The following DIAPH2 variants were observed in gnomAD, a reference collection of about 807,000 sequenced individuals.
The protein encoded by DIAPH2 is diaphanous related formin 2, also known as protein diaphanous homolog 2.
In DIAPH2, 35 loss-of-function variants were observed where a neutral mutation model predicts 92.7. The observed-to-expected ratio is 0.38, with a 90% CI of 0.29 to 0.50. The LOEUF (loss-of-function observed/expected upper bound fraction) is 0.50. Ranked by LOEUF, DIAPH2 falls within the 20% of genes least tolerant of loss-of-function variation. The probability of loss-of-function intolerance (pLI) is 0.94; values close to 1 mark genes in which losing one functional copy is unlikely to be tolerated. For synonymous variants in DIAPH2, 301 were observed against 280.4 expected, an observed-to-expected ratio of 1.07 and a Z score of -0.73; for missense variants, 701 against 819.5, an observed-to-expected ratio of 0.86 and a Z score of 1.77.
intron 17 of DIAPH2, among the ~76,000 whole-genome samples, chrX:97,053,658 A>C (rs11796386): frequency 0.047 from 5,262 of 111,387 alleles, 137 homozygotes; most frequent in Non-Finnish European, 0.072. Context: ...CATGGGCAAG[A>C]ACTATGTTCT....
At chrX:97,575,501 G>T (rs1271611637) in intron 26 of DIAPH2, among the ~76,000 whole-genome samples, 2 of 112,103 alleles carry the variant, frequency 1.8e-5, no homozygotes, top group Non-Finnish European at 1.9e-5. Context: ...TCCAAATAAG[G>T]TTACCTCATT....
At chrX:97,328,950 ACT>A (rs1302027362) in intron 23 of DIAPH2, among the ~76,000 whole-genome samples, 1 of 111,857 alleles carries the variant, frequency 8.9e-6, no homozygotes, top group East Asian at 2.8e-4. Flanking sequence ...ATGTAAACAT[ACT>A]CTGTTTACCC....
intron 17 of DIAPH2, among the ~76,000 whole-genome samples, chrX:97,051,366 G>A (rs977286238): frequency 2.7e-5 from 3 of 110,111 alleles, no homozygotes; most frequent in African/African-American, 9.9e-5. Flanking sequence ...GGTTTGGGGG[G>A]TGTGTTTAGC....
intron 4 of DIAPH2, among the ~76,000 whole-genome samples, chrX:96,825,344 CATGT>C (rs1409442563): frequency 2.0e-5 from 2 of 100,626 alleles, no homozygotes; most frequent in Non-Finnish European, 4.0e-5. Context: ...TTGATTACTA[CATGT>C]GTTTTCTTTT....
At chrX:97,129,137 T>TTTTC (rs1569308149) in intron 21 of DIAPH2, among the ~76,000 whole-genome samples, 23 of 75,857 alleles carry the variant, frequency 3.0e-4, no homozygotes, top group African/African-American at 9.1e-4. Flanking sequence ...TTTTCTTTTC[T>TTTTC]TTTCTTTTCT....
intron 1 of DIAPH2, among the ~76,000 whole-genome samples, chrX:96,689,893 A>G (rs2063790251): frequency 9.0e-6 from 1 of 111,134 alleles, no homozygotes; most frequent in Non-Finnish European, 1.9e-5. Flanking sequence ...GTAAATAATT[A>G]TTAGCTGGGG....
chrX:97,381,112 C>T (rs1361042645), intron 24 of DIAPH2, among the ~76,000 whole-genome samples: 1 of 111,334 alleles, frequency 9.0e-6, no homozygotes, highest in African/African-American at 3.3e-5. Context: ...TTTCTTCTAT[C>T]GCAAATTGTA....
chrX:97,130,442 A>G (rs137978171), intron 21 of DIAPH2, among the ~76,000 whole-genome samples: 163 of 112,103 alleles, frequency 1.5e-3, no homozygotes, highest in African/African-American at 4.8e-3. Flanking sequence ...AAACTCTGGT[A>G]TATGTTATAT....
At chrX:97,505,800 G>A (rs2070828023) in intron 26 of DIAPH2, among the ~76,000 whole-genome samples, 1 of 111,028 alleles carries the variant, frequency 9.0e-6, no homozygotes, top group Non-Finnish European at 1.9e-5. Flanking sequence ...TACTAAAAAT[G>A]TCAAATAATT....
chrX:97,165,649 A>G (rs1164896152), intron 22 of DIAPH2, among the ~76,000 whole-genome samples: 1 of 94,138 alleles, frequency 1.1e-5, no homozygotes, highest in Non-Finnish European at 2.2e-5. Flanking sequence ...ACGTGCCACC[A>G]TGCCCAGCAA....
At chrX:97,324,462 G>A (rs1286941830) in intron 23 of DIAPH2, among the ~76,000 whole-genome samples, 1 of 112,185 alleles carries the variant, frequency 8.9e-6, no homozygotes, top group African/African-American at 3.2e-5. Context: ...TAGTCAAATA[G>A]TACATTTTTA....
rs142381358 is a variant in DIAPH2, at chrX:96,913,182, G to A, written c.732+630G>A. Among the ~76,000 whole-genome samples the A allele has an allele frequency of 7.7e-3, 856 of 110,883 alleles. 22 individuals are homozygous for A. In the East Asian group the frequency reaches 0.13, roughly 17 times the overall value. On this transcript the variant is annotated intron_variant, in intron 7 of 26. Coordinates refer to ENST00000324765, the MANE Select transcript of DIAPH2 (RefSeq NM_006729.5). Reference sequence around the variant, plus strand: ...ATGCTGCTAATTTCCTCAGGAGGGTGAGCTAGTCAATGAAACAAACAAAAA... The same window carrying A: ...ATGCTGCTAATTTCCTCAGGAGGGTAAGCTAGTCAATGAAACAAACAAAAA...
chrX:96,762,568 G>A (rs1046020691), intron 4 of DIAPH2, among the ~76,000 whole-genome samples: 1 of 110,210 alleles, frequency 9.1e-6, no homozygotes, highest in South Asian at 3.8e-4. Context: ...GTTTACTTCT[G>A]AACTTAATGC....
At position 96,937,628 on chromosome X, in the gene DIAPH2, G is replaced by A. The variant is rs1281217382; in HGVS notation, c.1208+277G>A. Among the ~76,000 whole-genome samples, 4 of 111,524 alleles carry A rather than the reference G, an allele frequency of 3.6e-5. No homozygotes were observed. The Admixed American group carries it at 3.8e-4, about 11-fold the overall frequency. On this transcript the variant is annotated intron_variant, in intron 11 of 26. Coordinates refer to ENST00000324765, the MANE Select transcript of DIAPH2 (RefSeq NM_006729.5). Reference sequence around the variant, plus strand: ...GGTCTTGAATAAAGAATAGCATAAGGCAATATATCTTACATGTAAGGATTT... The same window carrying A: ...GGTCTTGAATAAAGAATAGCATAAGACAATATATCTTACATGTAAGGATTT...
At chrX:97,365,084 T>C (rs1265296892) in intron 24 of DIAPH2, among the ~76,000 whole-genome samples, 1 of 111,372 alleles carries the variant, frequency 9.0e-6, no homozygotes, top group Non-Finnish European at 1.9e-5. Context: ...TATTTACATC[T>C]GTTCAGTCTC....
chrX:96,797,230 C>A (rs778254691), intron 4 of DIAPH2, among the ~76,000 whole-genome samples: 4 of 110,848 alleles, frequency 3.6e-5, no homozygotes, highest in Non-Finnish European at 5.7e-5. Context: ...CCTGTAATCC[C>A]AGCACTTTGG....
In DIAPH2 at chrX:96,871,968, A is replaced by T. The variant is rs1433054947; in HGVS notation, c.448-9611A>T. Among the ~76,000 whole-genome samples, 3 of 112,254 alleles carry T rather than the reference A, an allele frequency of 2.7e-5. No homozygotes were observed. The East Asian group carries it at 8.3e-4, about 31-fold the overall frequency. On this transcript the variant is annotated intron_variant, in intron 4 of 26. Coordinates refer to ENST00000324765, the MANE Select transcript of DIAPH2 (RefSeq NM_006729.5). ...TGTGCCTTCCCAGGGCATTATGGTGAATGGAAGAAGTCCATGTGCCAAAAA... is the reference window on the plus strand; with the variant it reads ...TGTGCCTTCCCAGGGCATTATGGTGTATGGAAGAAGTCCATGTGCCAAAAA...
intron 16 of DIAPH2, among the ~76,000 whole-genome samples, chrX:96,963,896 CT>C (rs201964632): frequency 1.0e-4 from 11 of 109,294 alleles, no homozygotes; most frequent in African/African-American, 3.3e-4. Context: ...TAGTGAATGA[CT>C]TTTTTTTTAA....
At chrX:97,018,171 G>A (rs749747697) in intron 17 of DIAPH2, among the ~76,000 whole-genome samples, 1 of 112,157 alleles carries the variant, frequency 8.9e-6, no homozygotes, top group African/African-American at 3.2e-5. Context: ...TATATATTCA[G>A]TTGATTAATT....
Sources: allele counts gnomAD v4.1 joint callset (sites outside exome capture counted in the v4.1 genomes callset), GRCh38; gene constraint gnomAD v4.1.1; transcripts MANE v1.5; gene names NCBI Gene and HGNC (gene_info 2026-07-23, HGNC 2026-07-21).